Variants in KCNV2 observed in about 807,000 individuals in gnomAD.
KCNV2 encodes the protein potassium voltage-gated channel modifier subfamily V member 2, also known as potassium voltage-gated channel subfamily V member 2.
A neutral mutation model predicts 37.0 loss-of-function variants in KCNV2; 65 were observed. The observed-to-expected ratio is 1.76, with a 90% CI of 1.44 to 2.16. The LOEUF (loss-of-function observed/expected upper bound fraction) is 2.16. Among genes scored for constraint, KCNV2 ranks in the 30% most tolerant of loss-of-function variants. The pLI, the probability that KCNV2 is intolerant of heterozygous loss-of-function variation, is 0.00. For synonymous variants in KCNV2, 518 were observed against 328.6 expected (o/e 1.58, Z -6.23); for missense variants, 1,232 against 766.7 (o/e 1.61, Z -7.17).
chr9:2,719,107 T>G lies in KCNV2; in HGVS notation c.1356+12T>G, dbSNP rs762423786. ...GGTGGTGGGCCGCGGTGAGTACCTTTGCCCTGGGCTTTCCCATCCTCTTCC... is the reference window on the plus strand; with the variant it reads ...GGTGGTGGGCCGCGGTGAGTACCTTGGCCCTGGGCTTTCCCATCCTCTTCC... On this transcript the variant is annotated intron_variant, in intron 1 of 1. Transcript: ENST00000382082. 6.2e-7 allele frequency: 1 copy of G among 1,606,144 alleles called. No homozygotes were observed. Among genetic ancestry groups the G allele is most frequent in the Non-Finnish European group, 8.5e-7 (1 of 1,179,936 alleles).
At position 2,719,065 on chromosome 9, in the gene KCNV2, T is replaced by C. The variant is rs781669034; in HGVS notation, c.1326T>C (p.Thr442=). 4 of 1,611,890 alleles carry C rather than the reference T, an allele frequency of 2.5e-6. No individual in the cohort carries two copies. Among genetic ancestry groups the C allele is most frequent in the Non-Finnish European group, 3.4e-6 (4 of 1,180,012 alleles). Residue 442 remains threonine, a synonymous_variant, in exon 1 of 2, where the codon ACT becomes ACC. Coordinates refer to ENST00000382082, the MANE Select transcript of KCNV2 (RefSeq NM_133497.4). ...ACGATGTGCCCAGCACCAACTTCACTACCATCCCCCACTCCTGGTGGTGGG... is the reference window on the plus strand; with the variant it reads ...ACGATGTGCCCAGCACCAACTTCACCACCATCCCCCACTCCTGGTGGTGGG... ...VEHDVPSTNF[T]TIPHSWWWAA... is the part of the protein sequence containing the mutation.
Position 2,717,573 on chromosome 9 carries a change from G to A in KCNV2, c.-167G>A, listed in dbSNP as rs1819751382. The A allele has an allele frequency of 1.2e-6, 1 of 806,438 alleles. No homozygotes were observed. Among genetic ancestry groups the A allele is most frequent in the Admixed American group, 2.2e-5 (1 of 44,586 alleles). The allele number at this position is 806,438 out of a possible 1,614,324, so 50.0% of individuals were successfully genotyped here. Reference sequence around the variant, plus strand: ...CTGGGCTGGCCTGCCCAGGACCTGAGAAGGGGCAGCTCCGGTGGCAATGTC... The same window carrying A: ...CTGGGCTGGCCTGCCCAGGACCTGAAAAGGGGCAGCTCCGGTGGCAATGTC... On this transcript the variant is annotated 5_prime_UTR_variant, in exon 1 of 2. Coordinates refer to ENST00000382082, the MANE Select transcript of KCNV2 (RefSeq NM_133497.4).
At chr9:2,721,018 G>T (rs7849738) in intron 1 of KCNV2, among the ~76,000 whole-genome samples, 7,070 of 152,164 alleles carry the variant, frequency 0.046, 575 homozygotes, top group African/African-American at 0.16. Context: ...CTGGCACTAT[G>T]TAACTCAAAA....
In KCNV2 at chr9:2,718,780, C is replaced by T. The variant is rs763838984; in HGVS notation, c.1041C>T (p.Tyr347=). 2.2e-5 allele frequency: 35 copies of T among 1,611,058 alleles called. No homozygotes were observed. In the African/African-American group the frequency reaches 4.4e-4, roughly 20 times the overall value. ...ACCTGGTGGCCATCCTGCCGCTCTA[C>T]CTTCAGCTGCTGCTCGAGTGCTTCA... ...LVDLVAILPL[Y]LQLLLECFTG... Residue 347 remains tyrosine (Y), a synonymous_variant, in exon 1 of 2, where the codon TAC becomes TAT. Transcript: ENST00000382082.
Position 2,726,197 on chromosome 9 carries a change from A to G in KCNV2, c.1357-3249A>G, listed in dbSNP as rs143112360. On this transcript the variant is annotated intron_variant, in intron 1 of 1. Transcript: ENST00000382082. ...ATGGCTTGGCCTATGGAATGTGGAAAAAAAGTTCCCCAAAGCCAAGGAATC... is the reference window on the plus strand; with the variant it reads ...ATGGCTTGGCCTATGGAATGTGGAAGAAAAGTTCCCCAAAGCCAAGGAATC... Among the ~76,000 whole-genome samples, 48 of 152,312 alleles carry G rather than the reference A, an allele frequency of 3.2e-4. No homozygotes were observed. In the East Asian group the frequency reaches 4.8e-3, roughly 15 times the overall value.
At chr9:2,722,091 ATAAATAAATTAGAAGTTATT>A (rs1235919403) in intron 1 of KCNV2, among the ~76,000 whole-genome samples, 3 of 141,868 alleles carry the variant, frequency 2.1e-5, no homozygotes, top group Non-Finnish European at 4.6e-5. Flanking sequence ...GAAGTTATTT[ATAAATAAATTAGAAGTTATT>A]TATAAATAAA....
chr9:2,717,920 G>C lies in KCNV2; in HGVS notation c.181G>C (p.Gly61Arg). 1 of 1,614,166 alleles carries C rather than the reference G, an allele frequency of 6.2e-7. No individual in the cohort carries two copies. The highest frequency in any genetic ancestry group is 8.5e-7 in the Non-Finnish European group (1 of 1,180,024). The change falls in exon 1 of 2, where the codon GGC becomes CGC. Residue 61 changes from glycine (G) to arginine (R), a missense_variant. By Grantham distance (125) the Gly-to-Arg change is moderately radical (BLOSUM62 -2). Coordinates refer to ENST00000382082, the MANE Select transcript of KCNV2 (RefSeq NM_133497.4). Reference sequence around the variant, plus strand: ...CTACTACATCGAGGAAGACGAAGACGGCGAGGAGGAGGACCAGTGGAAGGA... The same window carrying C: ...CTACTACATCGAGGAAGACGAAGACCGCGAGGAGGAGGACCAGTGGAAGGA... Reference protein sequence around the residue: ...YNYYIEEDEDGEEEDQWKDDL... With the variant: ...YNYYIEEDEDREEEDQWKDDL...
rs773398432 is a variant in KCNV2, at chr9:2,718,102, G to A, written c.363G>A (p.Thr121=). Residue 121 remains threonine, a synonymous_variant, in exon 1 of 2, where the codon ACG becomes ACA. Transcript: ENST00000382082. The stretch of plus-strand genomic sequence containing the variant: ...GCGAGCTGGCCGGCTTCCCCAAGAC[G>A]CGCCTAGGTCGCCTGGCCACCTCCA... ...DYCELAGFPK[T]RLGRLATSTS... 28 of 1,599,820 alleles carry A rather than the reference G, an allele frequency of 1.8e-5. No individual in the cohort carries two copies. In the Admixed American group the frequency reaches 2.3e-4, roughly 13 times the overall value.
intron 1 of KCNV2, among the ~76,000 whole-genome samples, chr9:2,721,662 G>A (rs60707197): frequency 7.1e-6 from 1 of 140,432 alleles, no homozygotes; most frequent in African/African-American, 3.3e-5. Flanking sequence ...GGTAGGAGAA[G>A]AAAAAACAAT....
intron 1 of KCNV2, 127 bp from the exon 2 acceptor site, chr9:2,729,319 C>G: frequency 2.0e-6 from 2 of 987,106 alleles, no homozygotes; most frequent in Non-Finnish European, 3.2e-6. Flanking sequence ...AAAGCAGGCT[C>G]CGTGGGAAGC....
chr9:2,718,323 C>T lies in KCNV2; in HGVS notation c.584C>T (p.Thr195Met), dbSNP rs750543416. The change falls in exon 1 of 2, where the codon ACG becomes ATG. Residue 195 changes from threonine (T) to methionine (M), a missense_variant. By Grantham distance (81) the Thr-to-Met change is moderately conservative. Coordinates refer to ENST00000382082, the MANE Select transcript of KCNV2 (RefSeq NM_133497.4). The part of the protein sequence containing the change: ...LGYWGVRLKY[T>M]PRCCRICFEE... ...TACTGGGGCGTGCGGCTCAAGTACACGCCACGCTGCTGCCGCATCTGCTTC... is the reference window on the plus strand; with the variant it reads ...TACTGGGGCGTGCGGCTCAAGTACATGCCACGCTGCTGCCGCATCTGCTTC... 3 of 1,604,762 alleles carry T rather than the reference C, an allele frequency of 1.9e-6. No homozygotes were observed. The highest frequency in any genetic ancestry group is 2.2e-5 in the South Asian group (2 of 90,234).
Position 2,729,571 on chromosome 9 carries a change from C to T in KCNV2, c.1482C>T (p.Asn494=). The change falls in exon 2 of 2, where the codon AAC becomes AAT. Residue 494 remains asparagine, a synonymous_variant. Transcript: ENST00000382082. ...LNGMPISILY[N]KFSDYYSKLK... is the part of the protein sequence containing the mutation. The stretch of plus-strand genomic sequence containing the variant: ...GGATGCCCATTTCCATCCTCTACAA[C>T]AAGTTTTCTGATTACTACAGCAAGC... The T allele has an allele frequency of 6.2e-7, 1 of 1,614,066 alleles. No individual in the cohort carries two copies. Among genetic ancestry groups the T allele is most frequent in the South Asian group, 1.1e-5 (1 of 91,072 alleles).
chr9:2,719,735 C>A (rs1563796686), intron 1 of KCNV2, among the ~76,000 whole-genome samples: 1 of 152,238 alleles, frequency 6.6e-6, no homozygotes, highest in Admixed American at 6.5e-5. Context: ...TGAATGTGGA[C>A]TCACAGCTAG....
rs1820022065 is a variant in KCNV2, at chr9:2,729,309, A to G, written c.1357-137A>G. On this transcript the variant is annotated intron_variant, in intron 1 of 1. Coordinates refer to ENST00000382082, the MANE Select transcript of KCNV2 (RefSeq NM_133497.4). The stretch of plus-strand genomic sequence containing the variant: ...AGAGGGAGTCTTCCTGGTACCTCCT[A>G]AAGCAGGCTCCGTGGGAAGCCATTA... 1.9e-5 allele frequency: 17 copies of G among 904,868 alleles called. No homozygotes were observed. In the East Asian group the frequency reaches 4.3e-4, roughly 23 times the overall value. 56.1% of individuals were successfully genotyped at this position (904,868 alleles called of 1,614,324 possible).
chr9:2,725,392 G>C (rs539892266), intron 1 of KCNV2, among the ~76,000 whole-genome samples: 154 of 152,252 alleles, frequency 1.0e-3, no homozygotes, highest in African/African-American at 3.5e-3. Flanking sequence ...ACATCCACTT[G>C]TTTCTAGGTT....
At chr9:2,719,186 C>G (rs2130862187) in intron 1 of KCNV2, 91 bp downstream of exon 1, 1 of 1,438,296 alleles carries the variant, frequency 7.0e-7, no homozygotes, top group East Asian at 2.4e-5. Flanking sequence ...CAGGCTTTGG[C>G]TTCTGATCCT....
intron 1 of KCNV2, among the ~76,000 whole-genome samples, chr9:2,722,895 C>G (rs1416675362): frequency 6.7e-6 from 1 of 150,284 alleles, no homozygotes; most frequent in Non-Finnish European, 1.5e-5. Context: ...ATGGCTGTGG[C>G]AAAGAACAAG....
At chr9:2,727,611 C>G (rs545059383) in intron 1 of KCNV2, among the ~76,000 whole-genome samples, 72 of 152,098 alleles carry the variant, frequency 4.7e-4, no homozygotes, top group African/African-American at 1.7e-3. Context: ...ATAAGCATAA[C>G]GTATATAGAG....
intron 1 of KCNV2, among the ~76,000 whole-genome samples, chr9:2,721,016 A>G (rs1449201765): frequency 2.0e-5 from 3 of 152,204 alleles, no homozygotes; most frequent in East Asian, 3.8e-4. Context: ...AACTGGCACT[A>G]TGTAACTCAA....
Sources: gnomAD v4.1 joint callset for allele counts (sites outside exome capture counted in the v4.1 genomes callset) on GRCh38, gnomAD v4.1.1 for gene constraint, MANE v1.5 for transcripts, NCBI Gene and HGNC (gene_info 2026-07-23, HGNC 2026-07-21) for gene names.